MTR: variants seen among roughly 807,000 people sequenced by gnomAD.
MTR encodes the protein methionine synthase.
Under a neutral mutation model 154.8 loss-of-function variants are expected in MTR, and 84 were observed. The ratio of observed to expected loss-of-function variants is 0.54; its 90% confidence interval spans 0.45 to 0.65. The LOEUF is 0.65. Ranked by LOEUF, MTR falls within the 30% of genes least tolerant of loss-of-function variation. The pLI is 0.00. For missense variants in MTR, 1,275 were observed against 1,570.2 expected, an observed-to-expected ratio of 0.81 and a Z score of 3.18; for synonymous variants, 554 against 553.9, an observed-to-expected ratio of 1.00 and a Z score of 0.00.
At chr1:236,858,404 G>T (rs979515584) in intron 18 of MTR, among the ~76,000 whole-genome samples, 1 of 152,172 alleles carries the variant, frequency 6.6e-6, no homozygotes, top group Admixed American at 6.5e-5. Flanking sequence ...CTCCCACGAC[G>T]TGTGGGAATT....
Position 236,901,866 on chromosome 1 carries a change from A to C in MTR, c.*4222A>C, listed in dbSNP as rs181348093. The stretch of plus-strand genomic sequence containing the variant: ...CATTTCAACATGATTTGGGGGATAC[A>C]TCAGACCATAACACTTTTCTTTTTC... On this transcript the variant is annotated 3_prime_UTR_variant, in exon 33 of 33. Transcript: ENST00000366577. The C allele has an allele frequency of 6.6e-5, 10 of 152,368 alleles. No individual in the cohort carries two copies. In the East Asian group the frequency reaches 1.9e-3, roughly 29 times the overall value. 9.4% of individuals were successfully genotyped at this position (152,368 alleles called of 1,614,324 possible). A position where few individuals can be genotyped will look rare whatever the true frequency, so the allele number is the denominator to read the frequency against.
chr1:236,880,647 C>A (rs1223843424), intron 24 of MTR, 108 bp from the exon 25 acceptor site: 13 of 915,126 alleles, frequency 1.4e-5, no homozygotes, highest in Non-Finnish European at 2.3e-5. Flanking sequence ...TGAAATGTTT[C>A]TCTGGAAAGC....
At position 236,829,063 on chromosome 1, in the gene MTR, A is replaced by G; in HGVS notation, c.996-126A>G. Reference sequence around the variant, plus strand: ...TGTTGCTGCACACTTGGAAGTAGGTATATAATTATATGTATAGTTATGTTA... The same window carrying G: ...TGTTGCTGCACACTTGGAAGTAGGTGTATAATTATATGTATAGTTATGTTA... On this transcript the variant is annotated intron_variant, in intron 11 of 32. Coordinates refer to ENST00000366577, the MANE Select transcript of MTR (RefSeq NM_000254.3). The G allele has an allele frequency of 1.3e-5, 9 of 713,604 alleles. No individual in the cohort carries two copies. The South Asian group carries it at 1.3e-4, about 10-fold the overall frequency. 44.2% of individuals were successfully genotyped at this position (713,604 alleles called of 1,614,324 possible). A position where few individuals can be genotyped will look rare whatever the true frequency, so the allele number is the denominator to read the frequency against.
chr1:236,850,669 C>G, intron 16 of MTR, 146 bp downstream of exon 16: 1 of 800,940 alleles, frequency 1.2e-6, no homozygotes, highest in East Asian at 2.8e-5. Flanking sequence ...ATGTAGGAGA[C>G]CTTATTTTTT....
Position 236,848,457 on chromosome 1 carries a change from A to G in MTR, c.1516-1887A>G, listed in dbSNP as rs1253816153. 5.9e-5 allele frequency among the ~76,000 whole-genome samples: 9 copies of G among 152,232 alleles called. No homozygotes were observed. In the South Asian group the frequency reaches 1.0e-3, roughly 18 times the overall value. On this transcript the variant is annotated intron_variant, in intron 15 of 32. Coordinates refer to ENST00000366577, the MANE Select transcript of MTR (RefSeq NM_000254.3). The stretch of plus-strand genomic sequence containing the variant: ...CCATGAACCTAGAGCCTAGAACTCT[A>G]TTGGGCTGTCTGGTGAAGGGTAGAC...
chr1:236,844,535 A>G lies in MTR; in HGVS notation c.1516-5809A>G, dbSNP rs183062940. 4.2e-3 allele frequency among the ~76,000 whole-genome samples: 637 copies of G among 150,542 alleles called. 9 individuals are homozygous for G. The highest frequency in any genetic ancestry group is 0.015 in the African/African-American group (617 of 40,946). ...TGTGACAACATGTTTTTGTAAGCTA[A>G]TGAGAATGATCTGGGAGAGAGAGGG... On this transcript the variant is annotated intron_variant, in intron 15 of 32. Coordinates refer to ENST00000366577, the MANE Select transcript of MTR (RefSeq NM_000254.3).
chr1:236,853,527 T>C (rs755814056), intron 18 of MTR, among the ~76,000 whole-genome samples: 1 of 152,236 alleles, frequency 6.6e-6, no homozygotes, highest in Non-Finnish European at 1.5e-5. Context: ...TAGGTACATA[T>C]ACATACATTT....
At chr1:236,882,883 G>A (rs554697516) in intron 25 of MTR, among the ~76,000 whole-genome samples, 22 of 152,328 alleles carry the variant, frequency 1.4e-4, no homozygotes, top group African/African-American at 5.3e-4. Flanking sequence ...TAAATCATGT[G>A]GGTAACTGCT....
At chr1:236,896,499 C>T (rs1666630367) in intron 31 of MTR, among the ~76,000 whole-genome samples, 1 of 152,212 alleles carries the variant, frequency 6.6e-6, no homozygotes, top group Non-Finnish European at 1.5e-5. Context: ...GAATGAGTGG[C>T]TTCGAATAGA....
chr1:236,886,216 C>T lies in MTR; in HGVS notation c.2776-76C>T. ...CTTTCTTGCAAAGCTTACATACTGGCCTTCTTGGACATGTTTTCACAGTAG... is the reference window on the plus strand; with the variant it reads ...CTTTCTTGCAAAGCTTACATACTGGTCTTCTTGGACATGTTTTCACAGTAG... On this transcript the variant is annotated intron_variant, in intron 26 of 32. Transcript: ENST00000366577. 4 of 1,173,232 alleles carry T rather than the reference C, an allele frequency of 3.4e-6. No homozygotes were observed. In the Admixed American group the frequency reaches 7.0e-5, roughly 21 times the overall value. The allele number at this position is 1,173,232 out of a possible 1,614,324, so 72.7% of individuals were successfully genotyped here. A position where few individuals can be genotyped will look rare whatever the true frequency, so the allele number is the denominator to read the frequency against.
chr1:236,871,571 A>C (rs190015458), intron 22 of MTR, among the ~76,000 whole-genome samples: 8 of 152,168 alleles, frequency 5.3e-5, no homozygotes, highest in Non-Finnish European at 1.2e-4. Flanking sequence ...TAAAAGCAGT[A>C]TGCTATTTTT....
intron 22 of MTR, among the ~76,000 whole-genome samples, chr1:236,869,508 G>A (rs10495386): frequency 0.078 from 11,923 of 152,180 alleles, 944 homozygotes; most frequent in African/African-American, 0.2. Flanking sequence ...TCTCTTCTGA[G>A]CACTTTAAAA....
At chr1:236,890,857 C>T (rs1452121029) in intron 28 of MTR, among the ~76,000 whole-genome samples, 1 of 152,134 alleles carries the variant, frequency 6.6e-6, no homozygotes, top group East Asian at 1.9e-4. Context: ...CTTTGGGGAG[C>T]CACAGCTTTG....
chr1:236,797,084 C>T (rs1190152778), intron 1 of MTR, among the ~76,000 whole-genome samples: 1 of 152,092 alleles, frequency 6.6e-6, no homozygotes, highest in East Asian at 1.9e-4. Context: ...CCCCTCACCC[C>T]CAAGGCTGGC....
chr1:236,832,384 T>G (rs1397059659), intron 13 of MTR, among the ~76,000 whole-genome samples: 1 of 152,262 alleles, frequency 6.6e-6, no homozygotes, highest in East Asian at 1.9e-4. Flanking sequence ...TTTGAGAGGC[T>G]TTTTATTTTG....
At chr1:236,878,219 T>G (rs1482576825) in intron 24 of MTR, among the ~76,000 whole-genome samples, 2 of 152,224 alleles carry the variant, frequency 1.3e-5, no homozygotes, top group Non-Finnish European at 2.9e-5. Context: ...ATATGGTTAA[T>G]GCCTTTTGCA....
chr1:236,837,888 T>G (rs1663000137), intron 14 of MTR, among the ~76,000 whole-genome samples: 1 of 152,240 alleles, frequency 6.6e-6, no homozygotes, highest in Non-Finnish European at 1.5e-5. Flanking sequence ...TTGTCCTTTA[T>G]TTTAGTTATA....
At chr1:236,886,826 G>A (rs949343903) in intron 27 of MTR, among the ~76,000 whole-genome samples, 3 of 152,130 alleles carry the variant, frequency 2.0e-5, no homozygotes, top group Admixed American at 6.5e-5. Flanking sequence ...TGGGTCTTTC[G>A]CAGGCCCAGG....
intron 5 of MTR, among the ~76,000 whole-genome samples, chr1:236,811,490 A>G (rs1572194769): frequency 6.6e-6 from 1 of 152,250 alleles, no homozygotes; most frequent in Non-Finnish European, 1.5e-5. Flanking sequence ...TCATGATACC[A>G]TGTCTGGTAG....
Sources: allele counts gnomAD v4.1 joint callset (sites outside exome capture counted in the v4.1 genomes callset), GRCh38; gene constraint gnomAD v4.1.1; transcripts MANE v1.5; gene names NCBI Gene and HGNC (gene_info 2026-07-23, HGNC 2026-07-21).